SPPL3: variants seen among roughly 807,000 people sequenced by gnomAD.
The protein encoded by SPPL3 is signal peptide peptidase-like 3.
SPPL3 carries 5 observed loss-of-function variants against 42.4 expected under a neutral mutation model. That is an observed-to-expected ratio of 0.12 (90% CI 0.06 to 0.25). The LOEUF (loss-of-function observed/expected upper bound fraction) is 0.25. Among genes scored for constraint, SPPL3 ranks in the 10% least tolerant of loss-of-function variants. The pLI is 1.00. For synonymous variants in SPPL3, 195 were observed against 181.8 expected, an observed-to-expected ratio of 1.07 and a Z score of -0.58; for missense variants, 235 against 489.0, an observed-to-expected ratio of 0.48 and a Z score of 4.90.
intron 2 of SPPL3, among the ~76,000 whole-genome samples, chr12:120,803,919 C>G (rs1000887270): frequency 2.6e-5 from 4 of 152,126 alleles, no homozygotes; most frequent in African/African-American, 4.8e-5. Context: ...ACAATTAGAA[C>G]ATCATGACAA....
intron 1 of SPPL3, among the ~76,000 whole-genome samples, chr12:120,898,318 A>ATTT (rs1457452311): frequency 2.1e-4 from 20 of 96,100 alleles, no homozygotes; most frequent in South Asian, 3.7e-4. Flanking sequence ...TTTTTTTAAA[A>ATTT]AAAAAAAAAA....
intron 1 of SPPL3, among the ~76,000 whole-genome samples, chr12:120,899,505 G>C (rs987676260): frequency 3.9e-5 from 6 of 152,036 alleles, no homozygotes; most frequent in Non-Finnish European, 2.9e-5. Flanking sequence ...AGTGTCATAT[G>C]GTCCTTACTC....
rs114063459 is a variant in SPPL3, at chr12:120,810,989, C to T, written c.24-103G>A. On this transcript the variant is annotated intron_variant, in intron 1 of 10. Coordinates refer to ENST00000353487, the MANE Select transcript of SPPL3 (RefSeq NM_139015.5). ...AAACCCCACTGAGCTTTGTTTTTAT[C>T]TTTAAGAAGGAAAAAAGGTATAAAT... is the stretch of plus-strand genomic sequence containing the variant. 1,010 of 660,822 alleles carry T rather than the reference C, an allele frequency of 1.5e-3. 11 individuals carry two copies. In the African/African-American group the frequency reaches 0.017, roughly 11 times the overall value. The allele number at this position is 660,822 out of a possible 1,614,324, so 40.9% of individuals were successfully genotyped here.
intron 4 of SPPL3, 96 bp downstream of exon 4, chr12:120,784,378 A>G (rs757386932): frequency 1.3e-5 from 17 of 1,296,462 alleles, no homozygotes; most frequent in Non-Finnish European, 1.6e-5. Context: ...AAAAACTTAC[A>G]TGACATGGTA....
chr12:120,870,581 T>A (rs759780883), intron 1 of SPPL3, among the ~76,000 whole-genome samples: 1 of 152,146 alleles, frequency 6.6e-6, no homozygotes, highest in Non-Finnish European at 1.5e-5. Flanking sequence ...AAGCAACCCA[T>A]GCCCAGTGAT....
intron 1 of SPPL3, among the ~76,000 whole-genome samples, chr12:120,814,084 G>A (rs1036684166): frequency 6.6e-6 from 1 of 151,928 alleles, no homozygotes; most frequent in Non-Finnish European, 1.5e-5. Flanking sequence ...ACATGGGAGG[G>A]ATACACCAAA....
At chr12:120,862,151 G>C (rs1566063572) in intron 1 of SPPL3, among the ~76,000 whole-genome samples, 1 of 152,172 alleles carries the variant, frequency 6.6e-6, no homozygotes, top group South Asian at 2.1e-4. Flanking sequence ...TACCATATTA[G>C]ACATTGAAAC....
chr12:120,847,698 T>G (rs1235477678), intron 1 of SPPL3, among the ~76,000 whole-genome samples: 1 of 152,230 alleles, frequency 6.6e-6, no homozygotes, highest in East Asian at 1.9e-4. Flanking sequence ...CCGAAAGTGC[T>G]AGGATTACAG....
chr12:120,784,399 A>T, intron 4 of SPPL3, 75 bp downstream of exon 4: 1 of 1,434,584 alleles, frequency 7.0e-7, no homozygotes, highest in Non-Finnish European at 9.3e-7. Flanking sequence ...TATAAATCTT[A>T]ATTTTTGAAC....
Position 120,811,149 on chromosome 12 carries a change from T to TATA in SPPL3, c.24-266_24-264dup, listed in dbSNP as rs1870670359. On this transcript the variant is annotated intron_variant, in intron 1 of 10. Transcript: ENST00000353487. Reference sequence around the variant, plus strand: ...CATCAATGTAAAAATCCCATCTCTGTATATGTTTACAACATCCACCCCCAA... The same window carrying TATA: ...CATCAATGTAAAAATCCCATCTCTGTATAATATGTTTACAACATCCACCCCCAA... 2.1e-5 allele frequency: 6 copies of TATA among 288,096 alleles called. No homozygotes were observed. In the South Asian group the frequency reaches 4.4e-4, roughly 21 times the overall value. 17.8% of individuals were successfully genotyped at this position (288,096 alleles called of 1,614,324 possible).
At chr12:120,846,714 A>G (rs1411532251) in intron 1 of SPPL3, among the ~76,000 whole-genome samples, 1 of 152,268 alleles carries the variant, frequency 6.6e-6, no homozygotes, top group Non-Finnish European at 1.5e-5. Context: ...AAAATAAAAA[A>G]AAATGGCTTG....
intron 1 of SPPL3, among the ~76,000 whole-genome samples, chr12:120,887,735 A>C (rs1033572254): frequency 3.3e-5 from 5 of 152,212 alleles, no homozygotes; most frequent in African/African-American, 9.7e-5. Context: ...AATCAGACCT[A>C]ACATTTTAAA....
chr12:120,819,016 C>A (rs1592978038), intron 1 of SPPL3, among the ~76,000 whole-genome samples: 1 of 152,176 alleles, frequency 6.6e-6, no homozygotes, highest in Non-Finnish European at 1.5e-5. Context: ...CTTCTGCATT[C>A]CATCTACTGT....
At chr12:120,873,098 T>C (rs1174368853) in intron 1 of SPPL3, among the ~76,000 whole-genome samples, 3 of 152,184 alleles carry the variant, frequency 2.0e-5, no homozygotes, top group Non-Finnish European at 4.4e-5. Context: ...ATGAATGTGA[T>C]GTGGAAAGGA....
At chr12:120,893,063 C>G (rs1873693637) in intron 1 of SPPL3, among the ~76,000 whole-genome samples, 1 of 151,624 alleles carries the variant, frequency 6.6e-6, no homozygotes, top group Admixed American at 6.6e-5. Flanking sequence ...AACGTACACA[C>G]TAAGGACTCC....
intron 1 of SPPL3, among the ~76,000 whole-genome samples, chr12:120,831,054 C>T (rs1335515911): frequency 1.3e-5 from 2 of 152,046 alleles, no homozygotes; most frequent in African/African-American, 2.4e-5. Context: ...AACAAAAAGG[C>T]GGAGGAAGGG....
intron 6 of SPPL3, among the ~76,000 whole-genome samples, chr12:120,778,186 G>A (rs971756710): frequency 1.6e-5 from 2 of 124,804 alleles, no homozygotes; most frequent in South Asian, 2.6e-4. Flanking sequence ...GTGTGATCTC[G>A]GCTCACTGCA....
At chr12:120,766,139 C>T in intron 10 of SPPL3, 124 bp downstream of exon 10, 3 of 684,452 alleles carry the variant, frequency 4.4e-6, no homozygotes, top group Non-Finnish European at 4.8e-6. Context: ...CACACACACA[C>T]ACAGTCGAGA....
At chr12:120,890,099 T>A (rs2137064895) in intron 1 of SPPL3, among the ~76,000 whole-genome samples, 1 of 151,710 alleles carries the variant, frequency 6.6e-6, no homozygotes, top group Middle Eastern at 3.4e-3. Context: ...TACAAAAAAA[T>A]TAGCTGGACG....
Sources: gnomAD v4.1 joint callset for allele counts (sites outside exome capture counted in the v4.1 genomes callset) on GRCh38, gnomAD v4.1.1 for gene constraint, MANE v1.5 for transcripts, NCBI Gene and HGNC (gene_info 2026-07-23, HGNC 2026-07-21) for gene names.